Variants in NCAM2 observed in about 807,000 individuals in gnomAD.
NCAM2 encodes the protein N-CAM-2.
In NCAM2, 30 loss-of-function variants were observed where a neutral mutation model predicts 98.1. The ratio of observed to expected loss-of-function variants is 0.31; its 90% CI spans 0.23 to 0.41. NCAM2 has a LOEUF of 0.41. Among genes scored for constraint, NCAM2 ranks in the 10% least tolerant of loss-of-function variants. NCAM2 has a pLI of 1.00. For synonymous variants in NCAM2, 368 were observed against 342.4 expected (o/e 1.07, Z -0.83); for missense variants, 867 against 1,005.8 (o/e 0.86, Z 1.87).
intron 1 of NCAM2, among the ~76,000 whole-genome samples, chr21:21,255,547 C>A (rs1350491509): frequency 1.3e-5 from 2 of 152,208 alleles, no homozygotes; most frequent in African/African-American, 2.4e-5. Flanking sequence ...TTGTAAAAAT[C>A]TTTCAAACTG....
intron 6 of NCAM2, among the ~76,000 whole-genome samples, chr21:21,329,529 G>A (rs759070381): frequency 6.6e-6 from 1 of 152,100 alleles, no homozygotes; most frequent in Non-Finnish European, 1.5e-5. Context: ...GTTAGGCAAT[G>A]CATGACTGCA....
chr21:21,114,006 C>T (rs2066503687), intron 1 of NCAM2, among the ~76,000 whole-genome samples: 1 of 152,096 alleles, frequency 6.6e-6, no homozygotes, highest in Non-Finnish European at 1.5e-5. Flanking sequence ...AATCATGAGT[C>T]ATAATCAATT....
chr21:21,337,211 A>G lies in NCAM2; in HGVS notation c.899-1178A>G, dbSNP rs187929815. On this transcript the variant is annotated intron_variant, in intron 7 of 17. Coordinates refer to ENST00000400546, the MANE Select transcript of NCAM2 (RefSeq NM_004540.5). ...TGTACTCATCTGAAATAGTATTTAC[A>G]TCGTTTTTATCAGGATTGCAGTGAA... 4.6e-5 allele frequency among the ~76,000 whole-genome samples: 7 copies of G among 152,236 alleles called. No individual in the cohort carries two copies. In the East Asian group the frequency reaches 1.2e-3, roughly 25 times the overall value.
At chr21:21,246,934 A>C (rs2071292731) in intron 1 of NCAM2, among the ~76,000 whole-genome samples, 1 of 152,182 alleles carries the variant, frequency 6.6e-6, no homozygotes, top group Non-Finnish European at 1.5e-5. Context: ...TTGAACTTGC[A>C]CTTTATCTTG....
intron 1 of NCAM2, among the ~76,000 whole-genome samples, chr21:21,090,856 T>C (rs2065998328): frequency 6.6e-6 from 1 of 152,204 alleles, no homozygotes; most frequent in Non-Finnish European, 1.5e-5. Context: ...TATCCCAATC[T>C]GTTTCTCAAA....
chr21:21,428,960 G>A (rs920773891), intron 11 of NCAM2, among the ~76,000 whole-genome samples: 12 of 152,100 alleles, frequency 7.9e-5, no homozygotes, highest in Non-Finnish European at 1.3e-4. Context: ...ACATGTGTGC[G>A]AATGTGTGTT....
At chr21:21,346,809 A>T (rs1425813834) in intron 8 of NCAM2, among the ~76,000 whole-genome samples, 1 of 152,072 alleles carries the variant, frequency 6.6e-6, no homozygotes, top group Non-Finnish European at 1.5e-5. Context: ...AAGGAAATTT[A>T]AAAACTTCTT....
intron 1 of NCAM2, among the ~76,000 whole-genome samples, chr21:21,215,978 A>G (rs942014573): frequency 4.6e-5 from 7 of 152,204 alleles, no homozygotes; most frequent in Non-Finnish European, 1.0e-4. Context: ...ATATTCTTTT[A>G]TAACTGAAAT....
At chr21:21,157,579 ATTAAT>A (rs1278705774) in intron 1 of NCAM2, among the ~76,000 whole-genome samples, 3 of 152,192 alleles carry the variant, frequency 2.0e-5, no homozygotes, top group Admixed American at 2.0e-4. Flanking sequence ...AAGGGGAGGA[ATTAAT>A]TTAATTACAC....
intron 15 of NCAM2, 43 bp downstream of exon 15, chr21:21,477,514 G>T: frequency 7.1e-7 from 1 of 1,398,940 alleles, no homozygotes; most frequent in Non-Finnish European, 9.6e-7. Flanking sequence ...CAATAAATAT[G>T]ATACCACCTT....
intron 1 of NCAM2, among the ~76,000 whole-genome samples, chr21:21,080,706 T>TTTA (rs2065780537): frequency 6.7e-6 from 1 of 148,870 alleles, no homozygotes; most frequent in African/African-American, 2.5e-5. Context: ...ACCCCTAACA[T>TTTA]TTATTACTCT....
At chr21:21,419,142 C>T (rs1467221459) in intron 11 of NCAM2, among the ~76,000 whole-genome samples, 1 of 151,962 alleles carries the variant, frequency 6.6e-6, no homozygotes, top group African/African-American at 2.4e-5. Context: ...GGTAACAATA[C>T]AGATTGCTTT....
intron 16 of NCAM2, 27 bp downstream of exon 16, chr21:21,509,082 C>G: frequency 6.2e-7 from 1 of 1,609,406 alleles, no homozygotes; most frequent in South Asian, 1.1e-5. Flanking sequence ...TACATCATGT[C>G]ATATTAAACA....
At chr21:21,057,086 T>C (rs991634491) in intron 1 of NCAM2, among the ~76,000 whole-genome samples, 3 of 152,140 alleles carry the variant, frequency 2.0e-5, no homozygotes, top group South Asian at 2.1e-4. Context: ...CTAACCACTA[T>C]AGTATTGAAA....
At chr21:21,023,973 T>A (rs2064489770) in intron 1 of NCAM2, among the ~76,000 whole-genome samples, 1 of 152,228 alleles carries the variant, frequency 6.6e-6, no homozygotes, top group Admixed American at 6.5e-5. Flanking sequence ...ATCCTAGCTT[T>A]GTGAAACCAC....
intron 6 of NCAM2, among the ~76,000 whole-genome samples, chr21:21,332,614 C>T (rs2074745737): frequency 6.6e-6 from 1 of 151,988 alleles, no homozygotes; most frequent in Non-Finnish European, 1.5e-5. Context: ...TGTTGGGAAC[C>T]CTCTGCAGAT....
At chr21:21,495,032 A>G (rs1232370704) in intron 15 of NCAM2, among the ~76,000 whole-genome samples, 1 of 151,838 alleles carries the variant, frequency 6.6e-6, no homozygotes, top group African/African-American at 2.4e-5. Flanking sequence ...ATAAACTTCT[A>G]TTTTAGTGGT....
At chr21:21,245,136 A>G (rs1601749429) in intron 1 of NCAM2, among the ~76,000 whole-genome samples, 1 of 152,184 alleles carries the variant, frequency 6.6e-6, no homozygotes, top group East Asian at 1.9e-4. Context: ...CATCAACACT[A>G]CATTTTATGC....
chr21:21,098,813 A>AT (rs990309497), intron 1 of NCAM2, among the ~76,000 whole-genome samples: 2 of 151,712 alleles, frequency 1.3e-5, no homozygotes, highest in African/African-American at 2.4e-5. Context: ...GATGGCAGCA[A>AT]TTTTTTTTAA....
Sources: allele counts gnomAD v4.1 joint callset (sites outside exome capture counted in the v4.1 genomes callset), GRCh38; gene constraint gnomAD v4.1.1; transcripts MANE v1.5; gene names NCBI Gene and HGNC (gene_info 2026-07-23, HGNC 2026-07-21).